Variants in RAB37 observed in about 807,000 individuals in gnomAD.
RAB37 encodes the protein RAB37, member RAS oncogene family, also known as ras-related protein Rab-37.
A neutral mutation model predicts 33.1 loss-of-function variants in RAB37; 29 were observed. That is an observed-to-expected ratio of 0.88 (90% CI 0.65 to 1.20). The LOEUF (loss-of-function observed/expected upper bound fraction) is 1.20, where lower values mean the gene tolerates loss of function less well. RAB37 is among the 50% of genes most tolerant of loss of function. RAB37 has a pLI of 0.00. For missense variants in RAB37, 299 were observed against 301.1 expected, an observed-to-expected ratio of 0.99 and a Z score of 0.05; for synonymous variants, 128 against 119.5, an observed-to-expected ratio of 1.07 and a Z score of -0.47.
chr17:74,702,928 G>T, intron 1 of RAB37: 3 of 899,238 alleles, frequency 3.3e-6, no homozygotes, highest in Non-Finnish European at 5.4e-6. Flanking sequence ...TCACCAAGGA[G>T]CATGCAGGTC....
In RAB37 at chr17:74,671,584, G is replaced by T. The variant is rs1404711183; in HGVS notation, c.-3G>T. 3 of 1,614,018 alleles carry T rather than the reference G, an allele frequency of 1.9e-6. No individual in the cohort carries two copies. The highest frequency in any genetic ancestry group is 2.5e-6 in the Non-Finnish European group (3 of 1,180,002). ...AGCCGGAGCGGCGAGCTCCAAGCCT[G>T]GCATGGACCTGCAGAGACCCGATTC... On this transcript the variant is annotated 5_prime_UTR_variant, in exon 1 of 8. Coordinates refer to the RAB37 transcript ENST00000340415. This position sits in a 1 kb window ranked among gnomAD's most constrained non-coding sequence, Gnocchi z 5.0.
chr17:74,674,664 C>G (rs1203816642), intron 1 of RAB37, among the ~76,000 whole-genome samples: 1 of 152,038 alleles, frequency 6.6e-6, no homozygotes, highest in Non-Finnish European at 1.5e-5. Flanking sequence ...AGCAACAGAG[C>G]AAGACTCCAT....
chr17:74,734,839 C>T (rs1028825430), upstream of RAB37, among the ~76,000 whole-genome samples: 1 of 144,468 alleles, frequency 6.9e-6, no homozygotes, highest in African/African-American at 2.6e-5. Context: ...CAGAGCTCCA[C>T]CTCAAGAAAG....
At position 74,708,683 on chromosome 17, in the gene RAB37, A is replaced by G. The variant is rs376035988; in HGVS notation, c.73-20573A>G. ...GGTAATCCCAGCATTTTGGGAGGCC[A>G]AGGCGGGCGGATCAGGAGGTGAGGA... On this transcript the variant is annotated intron_variant, in intron 1 of 7. Transcript: ENST00000340415. 3.2e-4 allele frequency among the ~76,000 whole-genome samples: 49 copies of G among 152,220 alleles called. No individual in the cohort carries two copies. In the East Asian group the frequency reaches 3.9e-3, roughly 12 times the overall value.
intron 1 of RAB37, among the ~76,000 whole-genome samples, chr17:74,717,642 G>A (rs1052302780): frequency 2.6e-5 from 4 of 151,456 alleles, no homozygotes; most frequent in Non-Finnish European, 5.9e-5. Context: ...GAGAAACCCC[G>A]TCTCTACTGA....
chr17:74,725,098 C>A (rs2034289795), intron 1 of RAB37, among the ~76,000 whole-genome samples: 1 of 152,136 alleles, frequency 6.6e-6, no homozygotes, highest in Non-Finnish European at 1.5e-5. Flanking sequence ...GAACAAAATA[C>A]CTTCTTACCA....
intron 1 of RAB37, chr17:74,704,944 T>C: frequency 1.3e-6 from 1 of 742,474 alleles, no homozygotes; most frequent in Admixed American, 2.9e-5. Flanking sequence ...AAATACACCT[T>C]CCGCAGACAA....
intron 1 of RAB37, among the ~76,000 whole-genome samples, chr17:74,709,128 G>T (rs2143882040): frequency 6.6e-6 from 1 of 151,546 alleles, no homozygotes; most frequent in Non-Finnish European, 1.5e-5. Flanking sequence ...GGAGGCTGAG[G>T]CAGGAGAATC....
chr17:74,702,963 T>C (rs1056586933), intron 1 of RAB37: 1 of 1,262,030 alleles, frequency 7.9e-7, no homozygotes, highest in Non-Finnish European at 1.2e-6. Flanking sequence ...GGCTGGAAAA[T>C]GGGACTTCAA....
upstream of RAB37, among the ~76,000 whole-genome samples, chr17:74,733,519 G>C (rs113987011): frequency 0.059 from 2,113 of 35,900 alleles, no homozygotes; most frequent in Middle Eastern, 0.081. Context: ...GTGGTGAGGT[G>C]TGTGGTGTGA....
At chr17:74,716,475 A>G (rs2034166140) in intron 1 of RAB37, among the ~76,000 whole-genome samples, 1 of 152,100 alleles carries the variant, frequency 6.6e-6, no homozygotes, top group South Asian at 2.1e-4. Context: ...ATTGCACTTT[A>G]TCTTTCCCAA....
chr17:74,704,279 G>A (rs944965388), intron 1 of RAB37: 68 of 588,660 alleles, frequency 1.2e-4, no homozygotes, highest in African/African-American at 6.0e-4. Flanking sequence ...TAATCCCGTC[G>A]TGGAGGGAGC....
chr17:74,708,147 CA>C (rs373733638), intron 1 of RAB37, among the ~76,000 whole-genome samples: 27,133 of 80,930 alleles, frequency 0.34, 3,097 homozygotes, highest in Middle Eastern at 0.46. Context: ...GACTCCATCT[CA>C]AAAAAAAAAA....
chr17:74,701,433 G>A (rs940691389), intron 1 of RAB37, among the ~76,000 whole-genome samples: 5 of 152,132 alleles, frequency 3.3e-5, no homozygotes, highest in African/African-American at 1.2e-4. Flanking sequence ...CCCTAATCGG[G>A]CACTTACATA....
intron 1 of RAB37, among the ~76,000 whole-genome samples, chr17:74,696,925 TTTGGTTTG>T (rs2032540096): frequency 6.6e-6 from 1 of 151,440 alleles, no homozygotes; most frequent in African/African-American, 2.4e-5. Flanking sequence ...TTTGGTTTGG[TTTGGTTTG>T]GTTTGGTTTG....
chr17:74,736,633 C>A (rs1218348471), upstream of RAB37: 3 of 1,534,932 alleles, frequency 2.0e-6, no homozygotes, highest in Non-Finnish European at 2.6e-6. Flanking sequence ...TGGGCACAAC[C>A]AACAGGCCGG....
At chr17:74,727,716 C>T (rs2034322824) in intron 1 of RAB37, among the ~76,000 whole-genome samples, 1 of 152,232 alleles carries the variant, frequency 6.6e-6, no homozygotes, top group Non-Finnish European at 1.5e-5. Flanking sequence ...ACTTCAGATG[C>T]TCATTAACTT....
intron 1 of RAB37, among the ~76,000 whole-genome samples, chr17:74,703,999 C>A (rs944139131): frequency 6.6e-6 from 1 of 152,220 alleles, no homozygotes; most frequent in Non-Finnish European, 1.5e-5. Flanking sequence ...GGGAATTAGA[C>A]CCCAGCACCC....
chr17:74,675,602 T>G (rs1256443180), intron 1 of RAB37, among the ~76,000 whole-genome samples: 1 of 152,018 alleles, frequency 6.6e-6, no homozygotes, highest in African/African-American at 2.4e-5. Context: ...CAGGCAGAAG[T>G]CCATGGAAAT....
Sources: allele counts gnomAD v4.1 joint callset (sites outside exome capture counted in the v4.1 genomes callset), GRCh38; gene constraint gnomAD v4.1.1; non-coding constraint Gnocchi (gnomAD v3.1); transcripts MANE v1.5; gene names NCBI Gene and HGNC (gene_info 2026-07-23, HGNC 2026-07-21).